The following TENM2 variants were observed in gnomAD, a reference collection of about 807,000 sequenced individuals.
TENM2 encodes teneurin transmembrane protein 2, also known as teneurin-2.
Under a neutral mutation model 245.2 loss-of-function variants are expected in TENM2, and 52 were observed. The ratio of observed to expected loss-of-function variants is 0.21; its 90% CI spans 0.17 to 0.27. The LOEUF (loss-of-function observed/expected upper bound fraction) is 0.27. Ranked by LOEUF, TENM2 falls within the 10% of genes least tolerant of loss-of-function variation. TENM2 has a pLI of 1.00. For synonymous variants in TENM2, 1,363 were observed against 1,438.9 expected (o/e 0.95, Z 1.19); for missense variants, 3,046 against 3,666.8 (o/e 0.83, Z 4.37).
intron 2 of TENM2, among the ~76,000 whole-genome samples, chr5:167,670,861 G>A (rs1035204253): frequency 1.3e-5 from 2 of 152,026 alleles, no homozygotes; most frequent in Non-Finnish European, 1.5e-5. Context: ...TCCCCATTCA[G>A]TTCATCCTTG....
intron 8 of TENM2, among the ~76,000 whole-genome samples, chr5:168,094,156 A>T (rs1793171464): frequency 6.6e-6 from 1 of 152,164 alleles, no homozygotes; most frequent in African/African-American, 2.4e-5. Context: ...GTATATAAGA[A>T]TTACAGGAGC....
the TENM2 span, among the ~76,000 whole-genome samples, chr5:167,230,504 A>G: frequency 6.6e-6 from 1 of 152,098 alleles, no homozygotes. Flanking sequence ...GGTGAGTAAG[A>G]GATGCCTCTA....
the TENM2 span, among the ~76,000 whole-genome samples, chr5:167,187,155 C>T: frequency 6.6e-6 from 1 of 152,114 alleles, no homozygotes; most frequent in Non-Finnish European, 1.5e-5. Flanking sequence ...GCTTGGATGC[C>T]TCTGTTCTGG....
intron 2 of TENM2, among the ~76,000 whole-genome samples, chr5:167,441,791 G>A (rs78289992): frequency 0.085 from 12,928 of 152,232 alleles, 751 homozygotes; most frequent in Middle Eastern, 0.21. Context: ...TTGGAAATGA[G>A]TTTATGTGCT....
chr5:167,457,199 T>G (rs1293680898), intron 2 of TENM2, among the ~76,000 whole-genome samples: 1 of 152,186 alleles, frequency 6.6e-6, no homozygotes, highest in Non-Finnish European at 1.5e-5. Flanking sequence ...GGTGATTTAG[T>G]TAGTAGACCA....
intron 2 of TENM2, among the ~76,000 whole-genome samples, chr5:167,874,356 TA>T (rs1773241366): frequency 6.6e-6 from 1 of 152,144 alleles, no homozygotes; most frequent in Non-Finnish European, 1.5e-5. Flanking sequence ...AACCCATAAA[TA>T]GCATTAAATT....
chr5:167,009,014 G>A, the TENM2 span, among the ~76,000 whole-genome samples: 2 of 152,136 alleles, frequency 1.3e-5, no homozygotes, highest in African/African-American at 4.8e-5. Context: ...CTGTCCAAGT[G>A]TGTGGTTGTC....
chr5:167,816,376 A>C (rs1261809988), intron 2 of TENM2, among the ~76,000 whole-genome samples: 1 of 152,218 alleles, frequency 6.6e-6, no homozygotes, highest in Non-Finnish European at 1.5e-5. Context: ...CCTTACCTTT[A>C]ACTTCAGGAA....
intron 3 of TENM2, among the ~76,000 whole-genome samples, chr5:167,911,878 AATAT>A: frequency 6.6e-6 from 1 of 152,094 alleles, no homozygotes; most frequent in South Asian, 2.1e-4. Context: ...TTAATTAACA[AATAT>A]ATATATATTT....
intron 3 of TENM2, among the ~76,000 whole-genome samples, chr5:167,951,362 A>G (rs1179775956): frequency 6.6e-6 from 1 of 152,242 alleles, no homozygotes; most frequent in African/African-American, 2.4e-5. Flanking sequence ...TGGAAGCTTC[A>G]AAAAATAAAA....
intron 23 of TENM2, among the ~76,000 whole-genome samples, chr5:168,223,237 G>A (rs7720509): frequency 6.6e-6 from 1 of 152,234 alleles, no homozygotes; most frequent in East Asian, 1.9e-4. Flanking sequence ...TCTCTCATAA[G>A]GAAACTCAGC....
the TENM2 span, among the ~76,000 whole-genome samples, chr5:167,265,656 A>T: frequency 4.0e-5 from 6 of 151,544 alleles, no homozygotes; most frequent in African/African-American, 1.5e-4. Flanking sequence ...AATTGTACAG[A>T]CTCTCCACCC....
At chr5:167,953,592 T>G (rs543315810) in intron 4 of TENM2, 92 of 152,576 alleles carry the variant, frequency 6.0e-4, no homozygotes, top group African/African-American at 2.1e-3. Context: ...GGCCAGACTC[T>G]GAAACAGCCT....
intron 5 of TENM2, among the ~76,000 whole-genome samples, chr5:168,026,025 G>A (rs970984506): frequency 4.6e-5 from 7 of 152,154 alleles, no homozygotes; most frequent in African/African-American, 1.7e-4. Flanking sequence ...TAAGTTGTCT[G>A]TACAACTCTC....
chr5:167,216,074 G>A, the TENM2 span, among the ~76,000 whole-genome samples: 3 of 152,182 alleles, frequency 2.0e-5, no homozygotes, highest in Non-Finnish European at 1.5e-5. Flanking sequence ...ATCACAAGAG[G>A]TAGGTCCAGT....
At chr5:167,064,319 G>A in the TENM2 span, among the ~76,000 whole-genome samples, 1 of 152,112 alleles carries the variant, frequency 6.6e-6, no homozygotes, top group African/African-American at 2.4e-5. Context: ...AAAAATTTAT[G>A]GAAAATGTAT....
chr5:167,487,739 A>G lies in TENM2; in HGVS notation c.502+112266A>G, dbSNP rs181324096. 2.0e-3 allele frequency among the ~76,000 whole-genome samples: 310 copies of G among 152,304 alleles called. 3 individuals are homozygous for G. Among genetic ancestry groups the G allele is most frequent in the African/African-American group, 7.1e-3 (297 of 41,568 alleles). On this transcript the variant is annotated intron_variant, in intron 2 of 28. Coordinates refer to ENST00000518659, the Ensembl canonical transcript of TENM2. ...ATGTTAAATGTAAAAATGTGAGACA[A>G]AAGCTCAGGATCATTTCCTAGTATT...
At chr5:167,858,676 C>T (rs1036069919) in intron 2 of TENM2, among the ~76,000 whole-genome samples, 1 of 151,286 alleles carries the variant, frequency 6.6e-6, no homozygotes, top group Non-Finnish European at 1.5e-5. Context: ...GCGGCGCTGA[C>T]GCCCGCGGGC....
At chr5:167,082,478 G>T in the TENM2 span, among the ~76,000 whole-genome samples, 3 of 152,118 alleles carry the variant, frequency 2.0e-5, no homozygotes, top group South Asian at 4.2e-4. Flanking sequence ...GTAGAGACGG[G>T]GTTTCACCAT....
Sources: allele counts gnomAD v4.1 joint callset (sites outside exome capture counted in the v4.1 genomes callset), GRCh38; gene constraint gnomAD v4.1.1; transcripts MANE v1.5; gene names NCBI Gene and HGNC (gene_info 2026-07-23, HGNC 2026-07-21).